Variants in ADGRL3 observed in about 807,000 individuals in gnomAD.
ADGRL3 encodes adhesion G protein-coupled receptor L3, also known as calcium-independent alpha-latrotoxin receptor 3.
Under a neutral mutation model 153.5 loss-of-function variants are expected in ADGRL3, and 62 were observed. The ratio of observed to expected loss-of-function variants is 0.40; its 90% CI spans 0.33 to 0.50. ADGRL3 has a LOEUF of 0.50. Ranked by LOEUF, ADGRL3 falls within the 20% of genes least tolerant of loss-of-function variation. The probability of loss-of-function intolerance (pLI) is 0.47; values close to 1 mark genes in which losing one functional copy is unlikely to be tolerated. For synonymous variants in ADGRL3, 710 were observed against 672.5 expected (o/e 1.06, Z -0.86); for missense variants, 1,641 against 1,859.4 (o/e 0.88, Z 2.16).
chr4:62,047,149 T>C (rs993866185), intron 25 of ADGRL3, among the ~76,000 whole-genome samples: 1 of 152,000 alleles, frequency 6.6e-6, no homozygotes. Flanking sequence ...TTTTTATAGA[T>C]AGTGTTTTTT....
At chr4:61,586,286 A>G (rs554289319) in intron 4 of ADGRL3, among the ~76,000 whole-genome samples, 3 of 152,064 alleles carry the variant, frequency 2.0e-5, no homozygotes, top group African/African-American at 7.2e-5. Flanking sequence ...ATTACAGCCA[A>G]GGTGCACAGA....
At chr4:61,783,228 T>C (rs541715922) in intron 8 of ADGRL3, among the ~76,000 whole-genome samples, 1 of 152,252 alleles carries the variant, frequency 6.6e-6, no homozygotes, top group East Asian at 1.9e-4. Flanking sequence ...CATTTTGGGA[T>C]TTCATTATGA....
At chr4:61,430,514 T>C (rs1309017616) in intron 2 of ADGRL3, among the ~76,000 whole-genome samples, 1 of 152,184 alleles carries the variant, frequency 6.6e-6, no homozygotes, top group South Asian at 2.1e-4. Flanking sequence ...GCAACTTGCA[T>C]TAACAATATT....
chr4:61,487,097 C>T (rs75321107), intron 2 of ADGRL3, among the ~76,000 whole-genome samples: 2,254 of 152,302 alleles, frequency 0.015, 52 homozygotes, highest in African/African-American at 0.051. Flanking sequence ...AAAGACTAAT[C>T]ACACCTAGCT....
At chr4:61,569,172 G>A (rs2098828484) in intron 4 of ADGRL3, among the ~76,000 whole-genome samples, 1 of 152,034 alleles carries the variant, frequency 6.6e-6, no homozygotes, top group African/African-American at 2.4e-5. Context: ...ACACCTCTCT[G>A]ACTAGATTGT....
chr4:61,737,764 A>G lies in ADGRL3; in HGVS notation c.1399+4210A>G, dbSNP rs372740572. ...ATTCCAAAATTGTCCAGATGTTAGC[A>G]CCAGGCACCCTCTAGATACAAACAT... is the stretch of plus-strand genomic sequence containing the variant. On this transcript the variant is annotated intron_variant, in intron 8 of 26. Coordinates refer to ENST00000683033, the MANE Select transcript of ADGRL3 (RefSeq NM_001387552.1). 9.1e-4 allele frequency among the ~76,000 whole-genome samples: 138 copies of G among 152,262 alleles called. 2 individuals are homozygous for G. Among genetic ancestry groups the G allele is most frequent in the African/African-American group, 3.2e-3 (134 of 41,542 alleles).
At chr4:61,218,637 C>T (rs1182727959) in intron 1 of ADGRL3, among the ~76,000 whole-genome samples, 1 of 152,168 alleles carries the variant, frequency 6.6e-6, no homozygotes, top group Admixed American at 6.5e-5. Flanking sequence ...GAGTGCTTCT[C>T]ATGCGACACA....
At chr4:61,503,603 A>T (rs1435071250) in intron 3 of ADGRL3, among the ~76,000 whole-genome samples, 2 of 152,024 alleles carry the variant, frequency 1.3e-5, no homozygotes, top group Non-Finnish European at 2.9e-5. Flanking sequence ...ATATTTTTTG[A>T]AAAGACGGTA....
intron 8 of ADGRL3, among the ~76,000 whole-genome samples, chr4:61,745,190 C>G (rs960569768): frequency 1.3e-5 from 2 of 151,584 alleles, no homozygotes; most frequent in Admixed American, 6.6e-5. Flanking sequence ...AAACAAACTC[C>G]AAGAAAAATG....
intron 8 of ADGRL3, among the ~76,000 whole-genome samples, chr4:61,745,458 AG>A (rs1477793618): frequency 6.6e-6 from 1 of 152,210 alleles, no homozygotes; most frequent in African/African-American, 2.4e-5. Context: ...GCAGCCAGAA[AG>A]AAAGGCAGGG....
At chr4:61,632,502 T>G (rs1440362660) in intron 5 of ADGRL3, among the ~76,000 whole-genome samples, 1 of 152,180 alleles carries the variant, frequency 6.6e-6, no homozygotes, top group Non-Finnish European at 1.5e-5. Flanking sequence ...TTAGGAAAAG[T>G]CTTTGTTCAG....
At chr4:61,663,495 C>A (rs2094679018) in intron 5 of ADGRL3, among the ~76,000 whole-genome samples, 1 of 152,198 alleles carries the variant, frequency 6.6e-6, no homozygotes, top group Non-Finnish European at 1.5e-5. Flanking sequence ...AGCGGATGGA[C>A]CCTTTGCTCA....
chr4:61,644,396 A>G (rs367629697), intron 5 of ADGRL3, among the ~76,000 whole-genome samples: 8 of 151,910 alleles, frequency 5.3e-5, no homozygotes, highest in African/African-American at 1.9e-4. Context: ...TGTCAATTTT[A>G]GATCTTTCCT....
rs759235804 is a variant in ADGRL3 at position 61,892,782 on chromosome 4, G to A, written c.1607G>A (p.Ser536Asn). 3.1e-6 allele frequency: 5 copies of A among 1,613,756 alleles called. No homozygotes were observed. In the African/African-American group the frequency reaches 6.7e-5, roughly 22 times the overall value. ...SVSGRRNRSTSTPSPAVEVLD... is the reference protein window; with the variant it reads ...SVSGRRNRSTNTPSPAVEVLD... The stretch of plus-strand genomic sequence containing the variant: ...TCAGGAAGAAGAAACCGGAGTACTA[G>A]TACCCCATCTCCAGCTGTCGAGGTA... The change falls in exon 10 of 27, where the codon AGT becomes AAT. Residue 536 changes from serine to asparagine, a missense_variant. Ser to Asn is a conservative substitution (Grantham distance 46, BLOSUM62 1). This residue lies in a region of ADGRL3 where 734 missense variants were observed against 797.0 expected (regional missense o/e 0.92). Coordinates refer to ENST00000683033, the MANE Select transcript of ADGRL3 (RefSeq NM_001387552.1).
chr4:61,822,762 G>A (rs773398645), intron 9 of ADGRL3, among the ~76,000 whole-genome samples: 6 of 152,032 alleles, frequency 3.9e-5, no homozygotes, highest in Non-Finnish European at 7.4e-5. Context: ...GTTTGTCCTG[G>A]TGGTCTCTAA....
intron 2 of ADGRL3, among the ~76,000 whole-genome samples, chr4:61,434,198 G>A (rs181550703): frequency 1.3e-5 from 2 of 152,026 alleles, no homozygotes; most frequent in Non-Finnish European, 2.9e-5. Context: ...ATGGATTGAT[G>A]GGGGCTTCCT....
chr4:61,410,238 A>G (rs762746266), intron 2 of ADGRL3, among the ~76,000 whole-genome samples: 36 of 152,158 alleles, frequency 2.4e-4, no homozygotes, highest in South Asian at 4.1e-4. Context: ...TAGATACAAC[A>G]GGATTTTTTC....
chr4:61,739,068 G>C (rs1453853199), intron 8 of ADGRL3, among the ~76,000 whole-genome samples: 3 of 152,054 alleles, frequency 2.0e-5, no homozygotes, highest in African/African-American at 7.2e-5. Context: ...CATGAAATTG[G>C]TGGAAACATA....
intron 1 of ADGRL3, among the ~76,000 whole-genome samples, chr4:61,230,746 G>A (rs1355042360): frequency 1.3e-5 from 2 of 152,116 alleles, no homozygotes; most frequent in East Asian, 1.9e-4. Context: ...TCATGTATGA[G>A]TTTTATAGTA....
Sources: gnomAD v4.1 joint callset for allele counts (sites outside exome capture counted in the v4.1 genomes callset) on GRCh38, gnomAD v4.1.1 for gene constraint, gnomAD v4.1.1 regional missense constraint, MANE v1.5 for transcripts, NCBI Gene and HGNC (gene_info 2026-07-23, HGNC 2026-07-21) for gene names.